The following AKT3 variants were observed in gnomAD, a reference collection of about 807,000 sequenced individuals.
The protein encoded by AKT3 is RAC-gamma serine/threonine-protein kinase.
In AKT3, 15 loss-of-function variants were observed where a neutral mutation model predicts 65.3. The observed-to-expected ratio is 0.23, with a 90% CI of 0.15 to 0.35. The LOEUF is 0.35. AKT3 is among the 10% of genes least tolerant of loss of function. AKT3 has a pLI of 1.00. For synonymous variants in AKT3, 206 were observed against 183.8 expected, an observed-to-expected ratio of 1.12 and a Z score of -0.98; for missense variants, 243 against 576.5, an observed-to-expected ratio of 0.42 and a Z score of 5.92.
intron 3 of AKT3, among the ~76,000 whole-genome samples, chr1:243,684,663 G>A (rs1684159491): frequency 6.6e-6 from 1 of 152,118 alleles, no homozygotes. Context: ...AATCCTTTGG[G>A]TGTATACCCA....
chr1:243,514,152 A>C (rs1670196032), intron 12 of AKT3, among the ~76,000 whole-genome samples: 1 of 152,150 alleles, frequency 6.6e-6, no homozygotes, highest in African/African-American at 2.4e-5. Context: ...TTCCAATCAG[A>C]AGTTAACCAC....
Position 243,623,516 on chromosome 1 carries a change from G to T in AKT3, c.562-8355C>A, listed in dbSNP as rs1678921235. On this transcript the variant is annotated intron_variant, in intron 6 of 13. Transcript: ENST00000673466. ...GCAGACACCATCCAATCAACTAAGA[G>T]CCCAAATAGGACCCAAAAAAGCAAA... is the stretch of plus-strand genomic sequence containing the variant. 2.6e-5 allele frequency among the ~76,000 whole-genome samples: 4 copies of T among 152,072 alleles called. No homozygotes were observed. In the South Asian group the frequency reaches 8.3e-4, roughly 32 times the overall value.
intron 2 of AKT3, among the ~76,000 whole-genome samples, chr1:243,711,849 T>C (rs1394877703): frequency 1.3e-5 from 2 of 152,204 alleles, no homozygotes; most frequent in Non-Finnish European, 2.9e-5. Flanking sequence ...TTCAAAGACA[T>C]TCTGCCTTTA....
At chr1:243,615,269 A>C in intron 6 of AKT3, 108 bp from the exon 7 acceptor site, 1 of 770,284 alleles carries the variant, frequency 1.3e-6, no homozygotes. Context: ...ATTGAAAAGG[A>C]TTTTAAAACA....
At chr1:243,583,663 A>G (rs1307203958) in intron 8 of AKT3, among the ~76,000 whole-genome samples, 1 of 152,112 alleles carries the variant, frequency 6.6e-6, no homozygotes, top group Non-Finnish European at 1.5e-5. Context: ...AATACCAAGA[A>G]GGTATCTCAA....
intron 12 of AKT3, among the ~76,000 whole-genome samples, chr1:243,529,993 T>C (rs533921296): frequency 6.6e-6 from 1 of 152,330 alleles, no homozygotes; most frequent in Non-Finnish European, 1.5e-5. Flanking sequence ...GTTATGTAGT[T>C]CTCATTGTAA....
At chr1:243,489,721 A>G (rs1665903596) in intron 13 of AKT3, among the ~76,000 whole-genome samples, 1 of 152,152 alleles carries the variant, frequency 6.6e-6, no homozygotes, top group Non-Finnish European at 1.5e-5. Context: ...TATTGTCTTC[A>G]TGGTTTAGAT....
intron 2 of AKT3, among the ~76,000 whole-genome samples, chr1:243,804,279 T>G (rs759572336): frequency 6.6e-6 from 1 of 152,232 alleles, no homozygotes. Context: ...ATTAGGTCAA[T>G]TAATCATTTT....
chr1:243,614,072 G>A (rs777815375), intron 7 of AKT3, among the ~76,000 whole-genome samples: 4 of 152,118 alleles, frequency 2.6e-5, no homozygotes, highest in East Asian at 1.9e-4. Flanking sequence ...ACCTCACAGC[G>A]TGGCCAACAA....
intron 8 of AKT3, among the ~76,000 whole-genome samples, 153 bp downstream of exon 8, chr1:243,613,515 AAAT>A (rs1368814375): frequency 6.6e-6 from 1 of 152,200 alleles, no homozygotes; most frequent in Non-Finnish European, 1.5e-5. Flanking sequence ...ATCTCATCAG[AAAT>A]AATTTCGCTC....
At position 243,503,715 on chromosome 1, in the gene AKT3, C is replaced by T. The variant is rs990924188; in HGVS notation, c.*1534G>A. 1 of 231,958 alleles carries T rather than the reference C, an allele frequency of 4.3e-6. No homozygotes were observed. Among genetic ancestry groups the T allele is most frequent in the African/African-American group, 2.2e-5 (1 of 45,194 alleles). 14.4% of individuals were successfully genotyped at this position (231,958 alleles called of 1,614,324 possible). A position where few individuals can be genotyped will look rare whatever the true frequency, so the allele number is the denominator to read the frequency against. On this transcript the variant is annotated 3_prime_UTR_variant, in exon 14 of 14. Transcript: ENST00000673466. ...GAAAAAGAAAAGCTGGAGGTGTTCT[C>T]TTTTTTTGTTGTTTTTTCCCTGATG... is the stretch of plus-strand genomic sequence containing the variant.
intron 2 of AKT3, chr1:243,739,672 A>AGTGCTAATTTTGGTGCTAAAGC (rs1688038799): frequency 3.9e-5 from 6 of 152,132 alleles, no homozygotes; most frequent in African/African-American, 1.4e-4. Flanking sequence ...AAGCCCCTCA[A>AGTGCTAATTTTGGTGCTAAAGC]CCACGTCCTG....
intron 3 of AKT3, among the ~76,000 whole-genome samples, chr1:243,683,049 C>G (rs561978319): frequency 3.9e-5 from 6 of 152,258 alleles, no homozygotes; most frequent in South Asian, 2.1e-4. Flanking sequence ...GATCTTGTAT[C>G]TGTGGAATAA....
chr1:243,676,240 G>A (rs929905325), intron 3 of AKT3, among the ~76,000 whole-genome samples: 2 of 152,104 alleles, frequency 1.3e-5, no homozygotes, highest in Non-Finnish European at 2.9e-5. Context: ...GATTACCTTC[G>A]GGAAGAGTAA....
chr1:243,693,293 T>TATATATATA (rs1684842926), intron 3 of AKT3, among the ~76,000 whole-genome samples: 1 of 114,852 alleles, frequency 8.7e-6, no homozygotes, highest in Non-Finnish European at 1.8e-5. Flanking sequence ...TATATATATA[T>TATATATATA]AACATTTCCC....
chr1:243,535,385 ACT>A (rs1306362281), intron 12 of AKT3, among the ~76,000 whole-genome samples: 2 of 151,280 alleles, frequency 1.3e-5, no homozygotes, highest in Non-Finnish European at 3.0e-5. Context: ...TCCTCCCCTC[ACT>A]CTGAGTCTCC....
intron 2 of AKT3, among the ~76,000 whole-genome samples, chr1:243,745,535 A>G (rs917394340): frequency 6.6e-6 from 1 of 152,152 alleles, no homozygotes; most frequent in African/African-American, 2.4e-5. Flanking sequence ...GTAATAGATG[A>G]TATTAGTCAG....
chr1:243,653,203 G>A (rs187097776), intron 4 of AKT3, among the ~76,000 whole-genome samples: 2 of 152,180 alleles, frequency 1.3e-5, no homozygotes, highest in South Asian at 2.1e-4. Context: ...TACCATCAGA[G>A]AATACTATAA....
chr1:243,589,900 G>T (rs1262172559), intron 8 of AKT3, among the ~76,000 whole-genome samples: 2 of 152,116 alleles, frequency 1.3e-5, no homozygotes, highest in East Asian at 3.9e-4. Flanking sequence ...TTATACAATG[G>T]AATATTATTC....
Sources: allele counts gnomAD v4.1 joint callset (sites outside exome capture counted in the v4.1 genomes callset), GRCh38; gene constraint gnomAD v4.1.1; transcripts MANE v1.5; gene names NCBI Gene and HGNC (gene_info 2026-07-23, HGNC 2026-07-21).